ALDH1A2: variants seen among roughly 807,000 people sequenced by gnomAD.
ALDH1A2 encodes the protein aldehyde dehydrogenase 1 family member A2.
A neutral mutation model predicts 60.3 loss-of-function variants in ALDH1A2; 27 were observed. The observed-to-expected ratio is 0.45, with a 90% CI of 0.33 to 0.62. The LOEUF (loss-of-function observed/expected upper bound fraction) is 0.62. Among genes scored for constraint, ALDH1A2 ranks in the 20% least tolerant of loss-of-function variants. ALDH1A2 has a pLI of 0.02. For missense variants in ALDH1A2, 581 were observed against 643.8 expected (o/e 0.90, Z 1.06); for synonymous variants, 289 against 232.4 (o/e 1.24, Z -2.21).
At chr15:57,994,956 T>C in intron 5 of ALDH1A2, 122 bp downstream of exon 5, 2 of 928,280 alleles carry the variant, frequency 2.2e-6, no homozygotes, top group East Asian at 2.4e-5. Context: ...GTCAACAACA[T>C]GAGCTCAGTT....
chr15:58,022,665 C>G (rs1309718327), intron 1 of ALDH1A2, among the ~76,000 whole-genome samples: 1 of 152,192 alleles, frequency 6.6e-6, no homozygotes, highest in African/African-American at 2.4e-5. Context: ...GCCTACCTGG[C>G]ATCCCAGTCC....
intron 1 of ALDH1A2, among the ~76,000 whole-genome samples, chr15:58,020,117 T>C (rs554252592): frequency 1.3e-5 from 2 of 152,286 alleles, no homozygotes; most frequent in South Asian, 4.1e-4. Flanking sequence ...CTGAGGATAA[T>C]GGCTTCCAGC....
At chr15:57,960,230 G>C (rs1450586830) in intron 12 of ALDH1A2, among the ~76,000 whole-genome samples, 1 of 152,160 alleles carries the variant, frequency 6.6e-6, no homozygotes, top group Non-Finnish European at 1.5e-5. Context: ...ACCAAGCACA[G>C]TGCTTTGTAC....
intron 7 of ALDH1A2, among the ~76,000 whole-genome samples, chr15:57,991,219 GTTTTT>G: frequency 1.3e-5 from 2 of 152,040 alleles, no homozygotes; most frequent in Admixed American, 1.3e-4. Flanking sequence ...TGCATCTTTA[GTTTTT>G]CTTAGCATCT....
chr15:57,982,005 G>A (rs970234859), intron 7 of ALDH1A2, among the ~76,000 whole-genome samples: 3 of 152,124 alleles, frequency 2.0e-5, no homozygotes, highest in East Asian at 3.9e-4. Flanking sequence ...AGCAAGAGAC[G>A]ACAAGACAGC....
At chr15:57,974,288 C>T (rs1455632869) in intron 7 of ALDH1A2, among the ~76,000 whole-genome samples, 5 of 151,826 alleles carry the variant, frequency 3.3e-5, no homozygotes, top group African/African-American at 1.2e-4. Flanking sequence ...AAAACATTAG[C>T]TGGGCAAGGT....
rs183256700 is a variant in ALDH1A2, at chr15:58,038,750, T to C, written c.118-24469A>G. Among the ~76,000 whole-genome samples the C allele has an allele frequency of 7.2e-5, 11 of 151,854 alleles. No individual in the cohort carries two copies. The East Asian group carries it at 2.1e-3, about 30-fold the overall frequency. On this transcript the variant is annotated intron_variant, in intron 1 of 12. Transcript: ENST00000249750. ...ATATTGTGGTAGAAGGCAATGGGAA[T>C]TGCTACTGGTAATGGTTAATGTTCA...
At chr15:58,050,093 T>A (rs1171897924) in intron 1 of ALDH1A2, among the ~76,000 whole-genome samples, 1 of 152,042 alleles carries the variant, frequency 6.6e-6, no homozygotes, top group African/African-American at 2.4e-5. Context: ...ATGTTTTTGT[T>A]TGTATGATTT....
At chr15:58,024,608 T>A (rs565522134) in intron 1 of ALDH1A2, among the ~76,000 whole-genome samples, 1 of 152,078 alleles carries the variant, frequency 6.6e-6, no homozygotes, top group South Asian at 2.1e-4. Flanking sequence ...AATACAATAG[T>A]GGGGGACTTC....
intron 7 of ALDH1A2, among the ~76,000 whole-genome samples, chr15:57,975,412 T>C (rs113858007): frequency 6.6e-6 from 1 of 152,238 alleles, no homozygotes; most frequent in African/African-American, 2.4e-5. Context: ...CTTATCAAAA[T>C]GTGTAGAACC....
chr15:57,964,151 A>G, intron 8 of ALDH1A2, 82 bp from the exon 9 acceptor site: 1 of 1,481,114 alleles, frequency 6.8e-7, no homozygotes. Flanking sequence ...CCCTCTCCAA[A>G]GCCCTAGGTA....
intron 12 of ALDH1A2, among the ~76,000 whole-genome samples, chr15:57,956,117 C>CTGAT (rs1596060638): frequency 1.3e-5 from 2 of 152,222 alleles, no homozygotes; most frequent in South Asian, 2.1e-4. Context: ...TTGTATCCTA[C>CTGAT]TGATTTTTCT....
intron 4 of ALDH1A2, among the ~76,000 whole-genome samples, chr15:58,010,130 T>C (rs146882052): frequency 0.014 from 2,127 of 152,254 alleles, 56 homozygotes; most frequent in African/African-American, 0.047. Context: ...GTATAGATTA[T>C]GAAAGTAATT....
intron 7 of ALDH1A2, chr15:57,979,952 C>A: frequency 2.8e-6 from 1 of 354,746 alleles, no homozygotes. Context: ...AGCTTGGTGT[C>A]ACAGATGTGC....
intron 4 of ALDH1A2, among the ~76,000 whole-genome samples, chr15:58,008,823 T>C (rs1415829299): frequency 6.6e-6 from 1 of 151,900 alleles, no homozygotes; most frequent in Non-Finnish European, 1.5e-5. Context: ...TTGACAAAGG[T>C]TTTAATTCTC....
At chr15:57,955,808 G>A (rs1365992547) in intron 12 of ALDH1A2, among the ~76,000 whole-genome samples, 1 of 152,196 alleles carries the variant, frequency 6.6e-6, no homozygotes, top group South Asian at 2.1e-4. Context: ...GTCCTTCTGC[G>A]TGTTTACTAC....
At chr15:57,966,439 A>C (rs186630000) in intron 7 of ALDH1A2, among the ~76,000 whole-genome samples, 2 of 152,330 alleles carry the variant, frequency 1.3e-5, no homozygotes, top group Admixed American at 1.3e-4. Context: ...GCACTTGCCA[A>C]TGAGTAGACT....
intron 9 of ALDH1A2, among the ~76,000 whole-genome samples, chr15:57,963,224 T>C (rs1303445128): frequency 1.3e-5 from 2 of 152,244 alleles, no homozygotes; most frequent in Admixed American, 1.3e-4. Context: ...TCTGTAGGGA[T>C]GTCCTAAAGT....
In ALDH1A2 at chr15:57,963,909, G is replaced by C. The variant is rs752416528; in HGVS notation, c.1062C>G (p.Asp354Glu). 3.1e-6 allele frequency: 5 copies of C among 1,614,154 alleles called. No individual in the cohort carries two copies. ...CCTGGGGACCCTGCTCAGTGGTGGG[G>C]TCAAAGGGACTCCCCACTACGCGCC... The part of the protein sequence containing the change: ...AKRRVVGSPF[D>E]PTTEQGPQID... The change falls in exon 9 of 13, where the codon GAC becomes GAG. Residue 354 changes from aspartate (D) to glutamate (E), a missense_variant. Around this residue, in one of 2 missense-constraint regions of ALDH1A2, gnomAD observed 375 missense variants for 469.7 expected, o/e 0.80. Transcript: ENST00000249750.
Sources: gnomAD v4.1 joint callset for allele counts (sites outside exome capture counted in the v4.1 genomes callset) on GRCh38, gnomAD v4.1.1 for gene constraint, gnomAD v4.1.1 regional missense constraint, MANE v1.5 for transcripts, NCBI Gene and HGNC (gene_info 2026-07-23, HGNC 2026-07-21) for gene names.